LRRTM4: variants seen among roughly 807,000 people sequenced by gnomAD.
The protein encoded by LRRTM4 is leucine-rich repeat transmembrane neuronal protein 4.
A neutral mutation model predicts 47.6 loss-of-function variants in LRRTM4; 25 were observed. That is an observed-to-expected ratio of 0.53 (90% confidence interval 0.38 to 0.73). LRRTM4 has a LOEUF of 0.73. Ranked by LOEUF, LRRTM4 falls within the 30% of genes least tolerant of loss-of-function variation. The pLI is 0.00. For missense variants in LRRTM4, 638 were observed against 713.4 expected, an observed-to-expected ratio of 0.89 and a Z score of 1.20; for synonymous variants, 311 against 269.5, an observed-to-expected ratio of 1.15 and a Z score of -1.51.
intron 3 of LRRTM4, among the ~76,000 whole-genome samples, chr2:77,459,212 C>A (rs1478126348): frequency 6.6e-6 from 1 of 152,070 alleles, no homozygotes; most frequent in Non-Finnish European, 1.5e-5. Flanking sequence ...ATCTTCACCT[C>A]ATTGCTGGAA....
chr2:76,905,073 T>G lies in LRRTM4; in HGVS notation c.1552-156157A>C, dbSNP rs931479283. 2.6e-5 allele frequency among the ~76,000 whole-genome samples: 4 copies of G among 152,052 alleles called. No individual in the cohort carries two copies. The South Asian group carries it at 6.2e-4, about 24-fold the overall frequency. ...AGTGGGTCTCTGACCCCCTGACCAC[T>G]GAGCAGCCTAACTAGGAGGCACCCC... On this transcript the variant is annotated intron_variant, in intron 3 of 3. Transcript: ENST00000409884.
At chr2:76,947,620 T>C (rs1675365097) in intron 3 of LRRTM4, among the ~76,000 whole-genome samples, 2 of 151,838 alleles carry the variant, frequency 1.3e-5, no homozygotes, top group Admixed American at 1.3e-4. Flanking sequence ...CTTGTTAACA[T>C]ACATACAAAT....
At chr2:77,365,632 T>C (rs1470896762) in intron 3 of LRRTM4, among the ~76,000 whole-genome samples, 1 of 151,708 alleles carries the variant, frequency 6.6e-6, no homozygotes, top group Non-Finnish European at 1.5e-5. Flanking sequence ...AAATATATTT[T>C]ATACATGCAG....
At chr2:76,968,261 A>C (rs888101000) in intron 3 of LRRTM4, among the ~76,000 whole-genome samples, 1 of 148,860 alleles carries the variant, frequency 6.7e-6, no homozygotes, top group Non-Finnish European at 1.5e-5. Flanking sequence ...CTTTTTAAAA[A>C]AAACAAATCT....
At chr2:77,173,621 CCTT>C (rs1305980385) in intron 3 of LRRTM4, among the ~76,000 whole-genome samples, 3 of 152,124 alleles carry the variant, frequency 2.0e-5, no homozygotes, top group Non-Finnish European at 4.4e-5. Flanking sequence ...CATATTGCCA[CCTT>C]CTTCTGTGAT....
intron 3 of LRRTM4, among the ~76,000 whole-genome samples, chr2:77,405,787 G>A (rs1230628065): frequency 2.0e-5 from 3 of 152,040 alleles, no homozygotes; most frequent in Non-Finnish European, 4.4e-5. Flanking sequence ...GAATACCTTG[G>A]ATTATCTCTG....
At chr2:77,171,174 C>T (rs1388015887) in intron 3 of LRRTM4, among the ~76,000 whole-genome samples, 1 of 151,886 alleles carries the variant, frequency 6.6e-6, no homozygotes, top group East Asian at 1.9e-4. Flanking sequence ...GCTTGGTTTC[C>T]CTTGGAAAGC....
intron 3 of LRRTM4, among the ~76,000 whole-genome samples, chr2:77,044,926 T>C (rs1679184707): frequency 6.6e-6 from 1 of 151,870 alleles, no homozygotes; most frequent in South Asian, 2.1e-4. Flanking sequence ...TGTGTGTATA[T>C]GTGTATATGT....
At chr2:76,809,938 C>T (rs373711485) in intron 3 of LRRTM4, among the ~76,000 whole-genome samples, 1 of 152,150 alleles carries the variant, frequency 6.6e-6, no homozygotes, top group African/African-American at 2.4e-5. Context: ...ATTCAAACCT[C>T]ATAGACTCCT....
chr2:76,893,742 A>C (rs1161432481), intron 3 of LRRTM4, among the ~76,000 whole-genome samples: 2 of 151,838 alleles, frequency 1.3e-5, no homozygotes, highest in Admixed American at 1.3e-4. Context: ...AACAGATTTC[A>C]GCTTTCTCAT....
chr2:76,885,843 C>T (rs1397997673), intron 3 of LRRTM4, among the ~76,000 whole-genome samples: 1 of 151,904 alleles, frequency 6.6e-6, no homozygotes, highest in Admixed American at 6.6e-5. Flanking sequence ...TATAAGCTTA[C>T]AACTAATAAA....
At chr2:77,387,064 G>C (rs1673307629) in intron 3 of LRRTM4, among the ~76,000 whole-genome samples, 1 of 152,074 alleles carries the variant, frequency 6.6e-6, no homozygotes, top group Admixed American at 6.6e-5. Context: ...TGACTGAGAG[G>C]CAGGCAATAT....
chr2:76,787,816 A>G (rs1456123138), intron 3 of LRRTM4, among the ~76,000 whole-genome samples: 1 of 152,120 alleles, frequency 6.6e-6, no homozygotes, highest in East Asian at 1.9e-4. Flanking sequence ...CCAAGGAAAA[A>G]GCCAGTTTCT....
chr2:77,139,570 G>A (rs1390639985), intron 3 of LRRTM4, among the ~76,000 whole-genome samples: 4 of 152,158 alleles, frequency 2.6e-5, no homozygotes, highest in Non-Finnish European at 1.5e-5. Flanking sequence ...ACTGGCACAA[G>A]ACAGGGATGC....
chr2:77,168,833 A>G (rs1050991274), intron 3 of LRRTM4, among the ~76,000 whole-genome samples: 11 of 152,158 alleles, frequency 7.2e-5, no homozygotes, highest in Admixed American at 1.3e-4. Context: ...ACTTAACATA[A>G]TGAACTTCAC....
Position 77,518,701 on chromosome 2 carries a change from A to T in LRRTM4, c.1168T>A (p.Phe390Ile). The change falls in exon 3 of 4, where the codon TTC becomes ATC. Residue 390 changes from phenylalanine to isoleucine, a missense_variant. Transcript: ENST00000409884. ...GTGGATTGGGTGACGTCAGGTTTGA[A>T]GATGGTAGGTCTAGGGATAATCAGA... ...KPLIIPRPTI[F>I]KPDVTQSTFE... 6.2e-7 allele frequency: 1 copy of T among 1,613,418 alleles called. No homozygotes were observed. Among genetic ancestry groups the T allele is most frequent in the Non-Finnish European group, 8.5e-7 (1 of 1,179,642 alleles).
chr2:77,274,449 A>G (rs1333824820), intron 3 of LRRTM4, among the ~76,000 whole-genome samples: 1 of 152,148 alleles, frequency 6.6e-6, no homozygotes, highest in Non-Finnish European at 1.5e-5. Flanking sequence ...TTATGGGAAG[A>G]ATTTTTTTAT....
At chr2:77,306,707 C>A (rs1402286393) in intron 3 of LRRTM4, among the ~76,000 whole-genome samples, 1 of 151,546 alleles carries the variant, frequency 6.6e-6, no homozygotes, top group Non-Finnish European at 1.5e-5. Flanking sequence ...ATATATTGAC[C>A]CTGACTTTCA....
chr2:77,516,530 T>A, intron 3 of LRRTM4: 1 of 819,000 alleles, frequency 1.2e-6, no homozygotes, highest in Non-Finnish European at 1.5e-6. Flanking sequence ...TCTTTTCTTT[T>A]TATATACCAG....
Sources: allele counts gnomAD v4.1 joint callset (sites outside exome capture counted in the v4.1 genomes callset), GRCh38; gene constraint gnomAD v4.1.1; transcripts MANE v1.5; gene names NCBI Gene and HGNC (gene_info 2026-07-23, HGNC 2026-07-21).